IL1RAPL1: variants seen among roughly 807,000 people sequenced by gnomAD.
The protein encoded by IL1RAPL1 is interleukin 1 receptor accessory protein like 1, also known as interleukin-1 receptor accessory protein-like 1.
In IL1RAPL1, 3 loss-of-function variants were observed where a neutral mutation model predicts 48.4. The observed-to-expected ratio is 0.06, with a 90% CI of 0.03 to 0.16. IL1RAPL1 has a LOEUF of 0.16. IL1RAPL1 is among the 10% of genes least tolerant of loss of function. The pLI, the probability that IL1RAPL1 is intolerant of heterozygous loss-of-function variation, is 1.00. For missense variants in IL1RAPL1, 349 were observed against 530.6 expected (o/e 0.66, Z 3.36); for synonymous variants, 185 against 187.7 (o/e 0.99, Z 0.12).
At chrX:29,743,762 C>T (rs895829904) in intron 6 of IL1RAPL1, among the ~76,000 whole-genome samples, 1 of 112,015 alleles carries the variant, frequency 8.9e-6, no homozygotes, top group Non-Finnish European at 1.9e-5. Flanking sequence ...GGATTACAGG[C>T]GTGAGCCACC....
chrX:29,565,300 A>G lies in IL1RAPL1; in HGVS notation c.704-103130A>G, dbSNP rs1228955224. 3.7e-5 allele frequency among the ~76,000 whole-genome samples: 4 copies of G among 108,800 alleles called. No individual in the cohort carries two copies. The East Asian group carries it at 1.1e-3, about 31-fold the overall frequency. 94.5% of individuals were successfully genotyped at this position (108,800 alleles called of 115,157 possible). A position where few individuals can be genotyped will look rare whatever the true frequency, so the allele number is the denominator to read the frequency against. On this transcript the variant is annotated intron_variant, in intron 5 of 10. Coordinates refer to ENST00000378993, the MANE Select transcript of IL1RAPL1 (RefSeq NM_014271.4). ...AAATAATTATATTCATGGTTGCTCA[A>G]GATATAAAGAGATAGCAGTTACTAA...
At chrX:28,706,305 T>C (rs182621783) in intron 1 of IL1RAPL1, among the ~76,000 whole-genome samples, 1 of 112,570 alleles carries the variant, frequency 8.9e-6, no homozygotes, top group African/African-American at 3.2e-5. Flanking sequence ...AGCCTAAGTA[T>C]GTAATAGGCT....
At chrX:29,610,266 A>T (rs890703204) in intron 5 of IL1RAPL1, among the ~76,000 whole-genome samples, 3 of 112,005 alleles carry the variant, frequency 2.7e-5, no homozygotes, top group African/African-American at 9.7e-5. Context: ...TAGTTCCAGT[A>T]GAAAGACTAA....
chrX:29,651,064 C>T (rs1444452849), intron 5 of IL1RAPL1, among the ~76,000 whole-genome samples: 1 of 109,089 alleles, frequency 9.2e-6, no homozygotes, highest in Non-Finnish European at 1.9e-5. Context: ...CAAATCATGA[C>T]CACAGTGAGC....
intron 2 of IL1RAPL1, among the ~76,000 whole-genome samples, chrX:28,980,644 G>T (rs1205785027): frequency 2.7e-5 from 3 of 111,450 alleles, no homozygotes; most frequent in African/African-American, 9.8e-5. Flanking sequence ...TGTCAAGAGG[G>T]AGTTTGCAGT....
At chrX:29,667,987 G>T (rs1403708434) in intron 5 of IL1RAPL1, among the ~76,000 whole-genome samples, 1 of 111,285 alleles carries the variant, frequency 9.0e-6, no homozygotes, top group African/African-American at 3.3e-5. Context: ...CTAGGATATG[G>T]AAACTAGGAA....
At chrX:29,642,082 C>G (rs1337501036) in intron 5 of IL1RAPL1, among the ~76,000 whole-genome samples, 1 of 112,333 alleles carries the variant, frequency 8.9e-6, no homozygotes. Flanking sequence ...TGAAAGTTCA[C>G]AAACATGTTA....
intron 1 of IL1RAPL1, among the ~76,000 whole-genome samples, chrX:28,589,775 G>C (rs1933888279): frequency 1.8e-5 from 2 of 111,831 alleles, no homozygotes; most frequent in African/African-American, 6.5e-5. Flanking sequence ...TCCACAGCGT[G>C]TCAGAAATGA....
In IL1RAPL1 at chrX:29,710,149, T is replaced by C. The variant is rs148054268; in HGVS notation, c.778+41645T>C. 4.6e-3 allele frequency among the ~76,000 whole-genome samples: 513 copies of C among 111,722 alleles called. 4 individuals carry two copies. Among genetic ancestry groups the C allele is most frequent in the African/African-American group, 0.016 (487 of 30,847 alleles). ...CTTCTGTTCTCATATTGATGCCTTTTATTTATCTCTCTTGGCTAATTGCCC... is the reference window on the plus strand; with the variant it reads ...CTTCTGTTCTCATATTGATGCCTTTCATTTATCTCTCTTGGCTAATTGCCC... On this transcript the variant is annotated intron_variant, in intron 6 of 10. Coordinates refer to ENST00000378993, the MANE Select transcript of IL1RAPL1 (RefSeq NM_014271.4).
intron 2 of IL1RAPL1, among the ~76,000 whole-genome samples, chrX:29,209,646 T>C (rs781031845): frequency 1.4e-4 from 16 of 112,365 alleles, no homozygotes; most frequent in Non-Finnish European, 2.1e-4. Context: ...TCTTTGGCCT[T>C]GATGGAAACT....
chrX:29,167,898 T>C (rs1377051231), intron 2 of IL1RAPL1, among the ~76,000 whole-genome samples: 1 of 111,101 alleles, frequency 9.0e-6, no homozygotes, highest in Non-Finnish European at 1.9e-5. Flanking sequence ...CCTCTAATCT[T>C]TTTAAATGAA....
chrX:29,556,092 G>A (rs749581356), intron 5 of IL1RAPL1, among the ~76,000 whole-genome samples: 4 of 111,505 alleles, frequency 3.6e-5, no homozygotes, highest in East Asian at 5.7e-4. Flanking sequence ...TACCTCCCTC[G>A]TGAGTTGTAA....
chrX:29,253,995 G>A (rs1373546695), intron 2 of IL1RAPL1, among the ~76,000 whole-genome samples: 2 of 111,237 alleles, frequency 1.8e-5, no homozygotes, highest in African/African-American at 3.3e-5. Context: ...GTTATTTAGC[G>A]GGACTTAAAA....
chrX:29,419,527 G>T (rs1199845827), intron 5 of IL1RAPL1, among the ~76,000 whole-genome samples: 1 of 110,971 alleles, frequency 9.0e-6, no homozygotes, highest in Non-Finnish European at 1.9e-5. Context: ...CACCATGTTG[G>T]CCAAGCTGGT....
chrX:28,895,046 C>A (rs1438535072), intron 2 of IL1RAPL1, among the ~76,000 whole-genome samples: 7 of 110,245 alleles, frequency 6.3e-5, no homozygotes, highest in African/African-American at 2.3e-4. Context: ...AGTCCAAGTG[C>A]AAGTGAAGAG....
At chrX:28,928,634 C>T (rs1348524335) in intron 2 of IL1RAPL1, among the ~76,000 whole-genome samples, 1 of 111,946 alleles carries the variant, frequency 8.9e-6, no homozygotes, top group African/African-American at 3.2e-5. Context: ...ATGTGGGCTT[C>T]TCCCTTAATT....
In IL1RAPL1 at chrX:29,020,138, A is replaced by T. The variant is rs112845409; in HGVS notation, c.82+230713A>T. Among the ~76,000 whole-genome samples, 217 of 112,639 alleles carry T rather than the reference A, an allele frequency of 1.9e-3. 1 individual carries two copies. The highest frequency in any genetic ancestry group is 9.2e-3 in the Middle Eastern group (2 of 218). On this transcript the variant is annotated intron_variant, in intron 2 of 10. Coordinates refer to ENST00000378993, the MANE Select transcript of IL1RAPL1 (RefSeq NM_014271.4). ...GATAATAGTTTCAAAATTAGTATTT[A>T]TTGAGCAAATGCATTAATAAGTGAA...
At chrX:29,685,267 C>G (rs1926582316) in intron 6 of IL1RAPL1, among the ~76,000 whole-genome samples, 1 of 111,548 alleles carries the variant, frequency 9.0e-6, no homozygotes, top group Non-Finnish European at 1.9e-5. Flanking sequence ...CTTTGGGAGG[C>G]CGAGGTGGGC....
At chrX:29,136,574 G>A (rs1929133264) in intron 2 of IL1RAPL1, among the ~76,000 whole-genome samples, 1 of 110,907 alleles carries the variant, frequency 9.0e-6, no homozygotes, top group Non-Finnish European at 1.9e-5. Flanking sequence ...GTAACTCATT[G>A]CAACTTTCAA....
Sources: allele counts gnomAD v4.1 joint callset (sites outside exome capture counted in the v4.1 genomes callset), GRCh38; gene constraint gnomAD v4.1.1; transcripts MANE v1.5; gene names NCBI Gene and HGNC (gene_info 2026-07-23, HGNC 2026-07-21).